The following CYP2C8 variants were observed in gnomAD, a reference collection of about 807,000 sequenced individuals.
CYP2C8 encodes cytochrome P450 family 2 subfamily C member 8.
In CYP2C8, 51 loss-of-function variants were observed where a neutral mutation model predicts 41.3. The observed-to-expected ratio is 1.24, with a 90% CI of 0.99 to 1.56. The LOEUF is 1.56. Ranked by LOEUF, CYP2C8 falls within the 40% of genes most tolerant of loss-of-function variation. The probability of loss-of-function intolerance (pLI) is 0.00; values close to 1 mark genes in which losing one functional copy is unlikely to be tolerated. For missense variants in CYP2C8, 651 were observed against 579.9 expected, an observed-to-expected ratio of 1.12 and a Z score of -1.26; for synonymous variants, 218 against 205.8, an observed-to-expected ratio of 1.06 and a Z score of -0.51.
At chr10:95,046,431 T>TG (rs34115801) in intron 5 of CYP2C8, among the ~76,000 whole-genome samples, 94 of 151,646 alleles carry the variant, frequency 6.2e-4, no homozygotes, top group Admixed American at 1.1e-3. Flanking sequence ...TGAGAGCAAT[T>TG]GGGGGGGGCA....
At chr10:95,037,437 A>G (rs1408473593) in intron 8 of CYP2C8, 128 bp from the exon 9 acceptor site, 1 of 786,368 alleles carries the variant, frequency 1.3e-6, no homozygotes, top group Non-Finnish European at 2.1e-6. Context: ...TAGATGAATG[A>G]ACATGTGGAT....
At chr10:95,044,236 T>C (rs2134412072) in intron 6 of CYP2C8, among the ~76,000 whole-genome samples, 1 of 152,286 alleles carries the variant, frequency 6.6e-6, no homozygotes, top group East Asian at 1.9e-4. Flanking sequence ...GTATAGAGGG[T>C]AAAATTTGTA....
At chr10:95,050,196 A>G (rs928618514) in intron 5 of CYP2C8, among the ~76,000 whole-genome samples, 1 of 152,058 alleles carries the variant, frequency 6.6e-6, no homozygotes, top group Non-Finnish European at 1.5e-5. Flanking sequence ...TTGGAAAGGA[A>G]AGGGAAGAGT....
intron 5 of CYP2C8, among the ~76,000 whole-genome samples, chr10:95,054,107 A>G (rs1264415987): frequency 6.6e-6 from 1 of 152,152 alleles, no homozygotes; most frequent in Admixed American, 6.5e-5. Context: ...GCTATTCAGC[A>G]TCGTTCTTAA....
chr10:95,045,984 T>TA, intron 5 of CYP2C8, 33 bp from the exon 6 acceptor site: 1 of 1,612,614 alleles, frequency 6.2e-7, no homozygotes, highest in Non-Finnish European at 8.5e-7. Context: ...ATCTGACAAA[T>TA]TATGTGCCAG....
intron 8 of CYP2C8, among the ~76,000 whole-genome samples, chr10:95,037,788 T>C (rs1202318040): frequency 6.6e-6 from 1 of 152,236 alleles, no homozygotes; most frequent in Non-Finnish European, 1.5e-5. Context: ...GAACACACCA[T>C]GAAGTTTCAA....
chr10:95,055,954 G>T (rs540140786), intron 5 of CYP2C8, among the ~76,000 whole-genome samples: 3 of 152,032 alleles, frequency 2.0e-5, no homozygotes, highest in Non-Finnish European at 4.4e-5. Flanking sequence ...TTAGCTGGGT[G>T]TGGGGGTTTG....
chr10:95,049,798 C>A (rs1476118527), intron 5 of CYP2C8, among the ~76,000 whole-genome samples: 3 of 151,996 alleles, frequency 2.0e-5, no homozygotes, highest in African/African-American at 7.2e-5. Flanking sequence ...GCTGACATCC[C>A]CCCTCTCCTA....
intron 5 of CYP2C8, among the ~76,000 whole-genome samples, chr10:95,055,308 G>T (rs1296791736): frequency 6.6e-6 from 1 of 151,922 alleles, no homozygotes; most frequent in African/African-American, 2.4e-5. Context: ...TCTATGCCCG[G>T]TTCATTTTCA....
chr10:95,049,276 A>G (rs187003120), intron 5 of CYP2C8, among the ~76,000 whole-genome samples: 19 of 152,304 alleles, frequency 1.2e-4, no homozygotes, highest in Admixed American at 1.2e-3. Flanking sequence ...AGCTATCTAC[A>G]CAAAATGTAC....
In CYP2C8 at chr10:95,055,188, T is replaced by C. The variant is rs114540112; in HGVS notation, c.819+3147A>G. Among the ~76,000 whole-genome samples, 437 of 152,178 alleles carry C rather than the reference T, an allele frequency of 2.9e-3. 3 individuals are homozygous for C. Among genetic ancestry groups the C allele is most frequent in the African/African-American group, 9.9e-3 (411 of 41,530 alleles). ...ACAGGGAGAGGACTCAATTTCCAAA[T>C]TTCCAGACTTCAAAACAAAACTATA... On this transcript the variant is annotated intron_variant, in intron 5 of 8. Coordinates refer to ENST00000371270, the MANE Select transcript of CYP2C8 (RefSeq NM_000770.3).
intron 8 of CYP2C8, 76 bp downstream of exon 8, chr10:95,038,821 G>A: frequency 1.5e-6 from 2 of 1,374,874 alleles, no homozygotes; most frequent in South Asian, 1.2e-5. Context: ...CCCAGAGGAG[G>A]TGCCATGTAA....
At chr10:95,058,196 T>C (rs2033347625) in intron 5 of CYP2C8, 139 bp downstream of exon 5, 1 of 1,300,384 alleles carries the variant, frequency 7.7e-7, no homozygotes, top group African/African-American at 1.5e-5. Context: ...TGCAGGCCCA[T>C]AAATACAATA....
rs777440033 is a variant in CYP2C8, at chr10:95,064,780, A to C, written c.642+20T>G. The C allele has an allele frequency of 8.1e-5, 130 of 1,612,184 alleles. No individual in the cohort carries two copies. The highest frequency in any genetic ancestry group is 1.1e-4 in the Non-Finnish European group (129 of 1,178,504). Reference sequence around the variant, plus strand: ...ACCTTGAATAAATGGTTTCCAAGGAAAATAAAATCTTGGCCTTACCTGGAT... The same window carrying C: ...ACCTTGAATAAATGGTTTCCAAGGACAATAAAATCTTGGCCTTACCTGGAT... On this transcript the variant is annotated intron_variant, in intron 4 of 8. Transcript: ENST00000371270.
In CYP2C8 at chr10:95,069,343, C is replaced by A; in HGVS notation, c.60G>T (p.Trp20Cys). ...GCTTCCTTCTCCTACAGCTCTGTCT[C>A]CAGAGTGAAAAGAGAAGCATAAAAG... The part of the protein sequence containing the change: ...CLSFMLLFSL[W>C]RQSCRRRKLP... The change falls in exon 1 of 9, where the codon TGG becomes TGT. Residue 20 changes from tryptophan (W) to cysteine (C), a missense_variant. Transcript: ENST00000371270. The A allele has an allele frequency of 1.2e-6, 2 of 1,614,044 alleles. No individual in the cohort carries two copies. Among genetic ancestry groups the A allele is most frequent in the Non-Finnish European group, 1.7e-6 (2 of 1,180,008 alleles).
intron 1 of CYP2C8, among the ~76,000 whole-genome samples, chr10:95,068,059 CT>C (rs2033607854): frequency 6.6e-6 from 1 of 152,212 alleles, no homozygotes; most frequent in African/African-American, 2.4e-5. Context: ...GGAATCTCTG[CT>C]AATTTAAACT....
At chr10:95,058,604 T>C in intron 4 of CYP2C8, 93 bp from the exon 5 acceptor site, 3 of 1,150,788 alleles carry the variant, frequency 2.6e-6, no homozygotes, top group Non-Finnish European at 2.5e-6. Flanking sequence ...TAAATATGAA[T>C]AAGACATCAT....
intron 4 of CYP2C8, among the ~76,000 whole-genome samples, chr10:95,059,777 G>T (rs1418330413): frequency 6.6e-6 from 1 of 152,148 alleles, no homozygotes; most frequent in African/African-American, 2.4e-5. Flanking sequence ...ATGGTTTTAG[G>T]TCTAACATTT....
intron 4 of CYP2C8, among the ~76,000 whole-genome samples, chr10:95,062,240 T>TG (rs2033452700): frequency 6.6e-6 from 1 of 152,134 alleles, no homozygotes; most frequent in Non-Finnish European, 1.5e-5. Flanking sequence ...GACAGTGGGG[T>TG]GTTAAAGTCT....
Sources: allele counts gnomAD v4.1 joint callset (sites outside exome capture counted in the v4.1 genomes callset), GRCh38; gene constraint gnomAD v4.1.1; transcripts MANE v1.5; gene names NCBI Gene and HGNC (gene_info 2026-07-23, HGNC 2026-07-21).